SYNPR: variants seen among roughly 807,000 people sequenced by gnomAD.
SYNPR encodes the protein synaptoporin.
Under a neutral mutation model 32.9 loss-of-function variants are expected in SYNPR, and 23 were observed. That is an observed-to-expected ratio of 0.70 (90% CI 0.50 to 0.99). The LOEUF (loss-of-function observed/expected upper bound fraction) is 0.99. Ranked by LOEUF, SYNPR falls within the 50% of genes least tolerant of loss-of-function variation. The pLI is 0.00. For missense variants in SYNPR, 318 were observed against 349.3 expected (o/e 0.91, Z 0.71); for synonymous variants, 146 against 135.9 (o/e 1.07, Z -0.52).
intron 2 of SYNPR, among the ~76,000 whole-genome samples, chr3:63,390,371 G>A (rs181730547): frequency 7.9e-5 from 12 of 152,206 alleles, no homozygotes; most frequent in Non-Finnish European, 1.6e-4. Context: ...AAATTCAAGT[G>A]TGATGCCTTT....
intron 2 of SYNPR, among the ~76,000 whole-genome samples, chr3:63,415,431 T>A (rs73849115): frequency 5.3e-4 from 80 of 150,200 alleles, no homozygotes; most frequent in African/African-American, 1.8e-3. Context: ...TTTTTTTTTT[T>A]ACGTTTTTAA....
intron 3 of SYNPR, among the ~76,000 whole-genome samples, chr3:63,499,851 T>G (rs549102533): frequency 1.3e-5 from 2 of 151,928 alleles, no homozygotes; most frequent in Non-Finnish European, 2.9e-5. Context: ...AAGATTAGTA[T>G]GACAAATTCA....
rs150876053 is a variant in SYNPR at position 63,308,762 on chromosome 3, G to C, written c.84+30020G>C. Among the ~76,000 whole-genome samples, 545 of 151,768 alleles carry C rather than the reference G, an allele frequency of 3.6e-3. 2 individuals carry two copies. Among genetic ancestry groups the C allele is most frequent in the African/African-American group, 0.012 (478 of 41,426 alleles). On this transcript the variant is annotated intron_variant, in intron 2 of 5. Transcript: ENST00000478300. Reference sequence around the variant, plus strand: ...GATTTTCTTCTTCATCATATGCTTTGAACAATTTAACTATGATGTACTTTG... The same window carrying C: ...GATTTTCTTCTTCATCATATGCTTTCAACAATTTAACTATGATGTACTTTG...
intron 2 of SYNPR, among the ~76,000 whole-genome samples, chr3:63,350,457 G>A (rs893066930): frequency 7.9e-5 from 12 of 152,146 alleles, no homozygotes; most frequent in Admixed American, 2.6e-4. Context: ...AGACTATATC[G>A]TGATAGGAGG....
the SYNPR span, chr3:63,203,424 AGTT>A: frequency 1.3e-5 from 2 of 152,302 alleles, no homozygotes; most frequent in East Asian, 3.9e-4. Context: ...AAGCCCAGAC[AGTT>A]GTTGCAAACA....
At chr3:63,504,189 T>A (rs560237776) in intron 3 of SYNPR, among the ~76,000 whole-genome samples, 1 of 152,082 alleles carries the variant, frequency 6.6e-6, no homozygotes, top group Non-Finnish European at 1.5e-5. Flanking sequence ...TGCATCCACA[T>A]GTAGGTCTGA....
intron 2 of SYNPR, among the ~76,000 whole-genome samples, chr3:63,264,861 GT>G (rs1359290410): frequency 2.0e-5 from 3 of 151,980 alleles, no homozygotes; most frequent in Non-Finnish European, 4.4e-5. Flanking sequence ...TTATAAAACC[GT>G]CAGATCTCCC....
chr3:63,399,087 T>A (rs2088256263), intron 2 of SYNPR, among the ~76,000 whole-genome samples: 1 of 152,174 alleles, frequency 6.6e-6, no homozygotes, highest in South Asian at 2.1e-4. Context: ...TACATCAATG[T>A]TCTCATGGTA....
chr3:63,551,031 A>G (rs1702492294), intron 3 of SYNPR, among the ~76,000 whole-genome samples: 1 of 152,302 alleles, frequency 6.6e-6, no homozygotes, highest in East Asian at 1.9e-4. Context: ...TTATCGGGAC[A>G]TAATTCACAT....
intron 3 of SYNPR, among the ~76,000 whole-genome samples, chr3:63,270,535 T>C (rs367595922): frequency 6.6e-6 from 1 of 152,190 alleles, no homozygotes; most frequent in Non-Finnish European, 1.5e-5. Context: ...GCCTCATCAA[T>C]ATCTTCAGAT....
upstream of SYNPR, among the ~76,000 whole-genome samples, chr3:63,277,632 C>A (rs552686452): frequency 9.9e-5 from 15 of 152,278 alleles, no homozygotes; most frequent in African/African-American, 3.4e-4. Flanking sequence ...TTTCCACTGG[C>A]GCATGGTCCC....
chr3:63,239,373 T>TC (rs2086221735), intron 1 of SYNPR, among the ~76,000 whole-genome samples: 1 of 127,722 alleles, frequency 7.8e-6, no homozygotes, highest in Non-Finnish European at 1.8e-5. Flanking sequence ...ATCCTATCAT[T>TC]GTCAAGTGTG....
chr3:63,255,099 G>T (rs1056096860), intron 2 of SYNPR, among the ~76,000 whole-genome samples: 3 of 152,152 alleles, frequency 2.0e-5, no homozygotes, highest in African/African-American at 7.2e-5. Context: ...TTTACCCACT[G>T]GGTGATAGTA....
chr3:63,554,047 A>C (rs548051536), intron 3 of SYNPR, among the ~76,000 whole-genome samples: 6 of 152,090 alleles, frequency 3.9e-5, no homozygotes, highest in Non-Finnish European at 8.8e-5. Context: ...AGAAGTGTCT[A>C]CATCTTTTGC....
chr3:63,247,161 A>T (rs193028896), intron 1 of SYNPR, among the ~76,000 whole-genome samples: 8 of 152,222 alleles, frequency 5.3e-5, no homozygotes, highest in Middle Eastern at 3.4e-3. Flanking sequence ...CCTCTCTAAG[A>T]AACAAATTTT....
chr3:63,211,011 A>G, the SYNPR span, among the ~76,000 whole-genome samples: 3 of 152,158 alleles, frequency 2.0e-5, no homozygotes, highest in Non-Finnish European at 4.4e-5. Flanking sequence ...TCTTCTCCAG[A>G]TTCTGCTAAT....
At chr3:63,496,383 A>G (rs1046169970) in intron 3 of SYNPR, among the ~76,000 whole-genome samples, 1 of 152,088 alleles carries the variant, frequency 6.6e-6, no homozygotes, top group South Asian at 2.1e-4. Flanking sequence ...TCATAGCTAT[A>G]CTATAATTTC....
chr3:63,354,976 C>T (rs1232094025), intron 2 of SYNPR, among the ~76,000 whole-genome samples: 1 of 152,150 alleles, frequency 6.6e-6, no homozygotes, highest in Non-Finnish European at 1.5e-5. Context: ...TGAAGAGTAT[C>T]TTACCTAAAG....
At chr3:63,484,902 T>A (rs545049130) in intron 3 of SYNPR, among the ~76,000 whole-genome samples, 1 of 152,136 alleles carries the variant, frequency 6.6e-6, no homozygotes, top group South Asian at 2.1e-4. Context: ...CTTTTTTCCC[T>A]GATTATAGAA....
Sources: gnomAD v4.1 joint callset for allele counts (sites outside exome capture counted in the v4.1 genomes callset) on GRCh38, gnomAD v4.1.1 for gene constraint, MANE v1.5 for transcripts, NCBI Gene and HGNC (gene_info 2026-07-23, HGNC 2026-07-21) for gene names.